Variants in NRP2 observed in about 807,000 individuals in gnomAD.
NRP2 encodes the protein neuropilin 2, also known as neuropilin-2.
Under a neutral mutation model 110.4 loss-of-function variants are expected in NRP2, and 52 were observed. The ratio of observed to expected loss-of-function variants is 0.47; its 90% CI spans 0.38 to 0.59. The LOEUF (loss-of-function observed/expected upper bound fraction) is 0.59, where lower values mean the gene tolerates loss of function less well. NRP2 is among the 20% of genes least tolerant of loss of function. The pLI is 0.00. For synonymous variants in NRP2, 508 were observed against 468.9 expected, an observed-to-expected ratio of 1.08 and a Z score of -1.08; for missense variants, 1,049 against 1,203.0, an observed-to-expected ratio of 0.87 and a Z score of 1.89.
Position 205,683,311 on chromosome 2 carries a change from C to T in NRP2, c.21C>T (p.Thr7=), listed in dbSNP as rs201286273. MDMFPL[T]WVFLALYFSR... is the part of the protein sequence containing the mutation. Reference sequence around the variant, plus strand: ...CCAAAATGGATATGTTTCCTCTCACCTGGGTTTTCTTAGCCCTCTACTTTT... The same window carrying T: ...CCAAAATGGATATGTTTCCTCTCACTTGGGTTTTCTTAGCCCTCTACTTTT... Residue 7 remains threonine (T), a synonymous_variant, in exon 1 of 17, where the codon ACC becomes ACT. Transcript: ENST00000357785. 2 of 1,613,750 alleles carry T rather than the reference C, an allele frequency of 1.2e-6. No individual in the cohort carries two copies. Among genetic ancestry groups the T allele is most frequent in the African/African-American group, 1.3e-5 (1 of 74,908 alleles).
chr2:205,760,146 C>T (rs2057797661), intron 12 of NRP2, among the ~76,000 whole-genome samples: 1 of 152,196 alleles, frequency 6.6e-6, no homozygotes, highest in South Asian at 2.1e-4. Flanking sequence ...TCAGGGGAGG[C>T]AGGTAAAGCC....
rs1288599516 is a variant in NRP2, at chr2:205,697,561, C to G, written c.91C>G (p.Arg31Gly). 1.2e-6 allele frequency: 2 copies of G among 1,613,798 alleles called. No individual in the cohort carries two copies. Among genetic ancestry groups the G allele is most frequent in the African/African-American group, 2.7e-5 (2 of 74,834 alleles). Residue 31 changes from arginine to glycine, a missense_variant, in exon 2 of 17, where the codon CGT (arginine) becomes GGT (glycine). Arg to Gly is a moderately radical substitution (Grantham distance 125, BLOSUM62 -2). Coordinates refer to ENST00000357785, the MANE Select transcript of NRP2 (RefSeq NM_003872.3). ...RGQPDPPCGG[R>G]LNSKDAGYIT... ...TCTTTCAGACCCACCGTGCGGAGGT[C>G]GTTTGAATTCCAAAGATGCTGGCTA...
chr2:205,732,179 C>A (rs2057252923), intron 7 of NRP2, among the ~76,000 whole-genome samples: 1 of 152,220 alleles, frequency 6.6e-6, no homozygotes. Flanking sequence ...TGAGCCTGTA[C>A]ATGGCTTAAC....
In NRP2 at chr2:205,752,905, G is replaced by T. The variant is rs943409565; in HGVS notation, c.1974G>T (p.Met658Ile). 3.1e-6 allele frequency: 5 copies of T among 1,614,194 alleles called. No individual in the cohort carries two copies. The highest frequency in any genetic ancestry group is 3.3e-5 in the Admixed American group (2 of 60,034). Residue 658 changes from methionine (M) to isoleucine (I), a missense_variant, in exon 12 of 17, where the codon ATG becomes ATT. Coordinates refer to ENST00000357785, the MANE Select transcript of NRP2 (RefSeq NM_003872.3). ...FDFLEEPCGW[M>I]YDHAKWLRTT... ...TCCTCGAGGAGCCCTGTGGTTGGAT[G>T]TATGACCATGCCAAGTGGCTCCGGA... is the stretch of plus-strand genomic sequence containing the variant.
chr2:205,698,435 C>T (rs1295052214), intron 2 of NRP2, among the ~76,000 whole-genome samples: 1 of 152,134 alleles, frequency 6.6e-6, no homozygotes, highest in African/African-American at 2.4e-5. Context: ...AACCGAAGCA[C>T]AGAGAGGTTA....
intron 10 of NRP2, among the ~76,000 whole-genome samples, chr2:205,747,030 G>A (rs75475071): frequency 0.024 from 3,591 of 152,154 alleles, 110 homozygotes; most frequent in African/African-American, 0.073. Context: ...TGTGTCACCC[G>A]TCCTCTCACA....
chr2:205,687,945 G>GT (rs2105863334), intron 1 of NRP2, among the ~76,000 whole-genome samples: 1 of 152,294 alleles, frequency 6.6e-6, no homozygotes, highest in East Asian at 1.9e-4. Flanking sequence ...GGACCCTGGT[G>GT]TTTTTCATTT....
intron 2 of NRP2, among the ~76,000 whole-genome samples, chr2:205,699,033 T>A (rs2056497774): frequency 6.6e-6 from 1 of 152,202 alleles, no homozygotes; most frequent in African/African-American, 2.4e-5. Flanking sequence ...TACATAATGG[T>A]TTTCTCCTAA....
At chr2:205,731,237 C>T (rs1322177781) in intron 7 of NRP2, among the ~76,000 whole-genome samples, 1 of 152,206 alleles carries the variant, frequency 6.6e-6, no homozygotes, top group Non-Finnish European at 1.5e-5. Context: ...ATACAAATTG[C>T]TTTGCATACA....
chr2:205,699,803 A>G (rs778877557), intron 2 of NRP2, among the ~76,000 whole-genome samples: 4 of 152,088 alleles, frequency 2.6e-5, no homozygotes, highest in Non-Finnish European at 5.9e-5. Flanking sequence ...CCATGACCTC[A>G]TGTGTCTGGT....
At chr2:205,710,717 G>A (rs2056779329) in intron 2 of NRP2, among the ~76,000 whole-genome samples, 1 of 152,162 alleles carries the variant, frequency 6.6e-6, no homozygotes, top group South Asian at 2.1e-4. Context: ...TTGTTGGGAA[G>A]TTGTATGTGA....
intron 15 of NRP2, among the ~76,000 whole-genome samples, chr2:205,771,542 T>C (rs898655262): frequency 2.6e-5 from 4 of 152,220 alleles, no homozygotes; most frequent in African/African-American, 9.6e-5. Flanking sequence ...CCTTGGTGTC[T>C]TTCAAAACAC....
At position 205,726,061 on chromosome 2, in the gene NRP2, T is replaced by C; in HGVS notation, c.969T>C (p.Asp323=). ...ACAATGGCTGGACCCCCAACTTGGA[T>C]TCCAACAAGGAGTATCTCCAGGTAC... The part of the protein sequence containing the change: ...GDDNGWTPNL[D]SNKEYLQVDL... The change falls in exon 6 of 17, where the codon GAT becomes GAC. Residue 323 remains aspartate (D), a synonymous_variant. Coordinates refer to ENST00000357785, the MANE Select transcript of NRP2 (RefSeq NM_003872.3). 1 of 1,614,172 alleles carries C rather than the reference T, an allele frequency of 6.2e-7. No individual in the cohort carries two copies.
chr2:205,757,937 C>T (rs1275007333), intron 12 of NRP2, among the ~76,000 whole-genome samples: 1 of 151,768 alleles, frequency 6.6e-6, no homozygotes, highest in Non-Finnish European at 1.5e-5. Context: ...GGTTGAGTCC[C>T]CCAGCAGTGT....
chr2:205,714,048 C>G lies in NRP2; in HGVS notation c.252-2145C>G, dbSNP rs76058005. 3.3e-3 allele frequency among the ~76,000 whole-genome samples: 502 copies of G among 152,300 alleles called. 1 individual carries two copies. The highest frequency in any genetic ancestry group is 0.012 in the African/African-American group (486 of 41,572). ...GGGTCGCTTCTGCTCTGTGGCTCAGCCTCCTTGCCTGTGAAATGGGTGTGA... is the reference window on the plus strand; with the variant it reads ...GGGTCGCTTCTGCTCTGTGGCTCAGGCTCCTTGCCTGTGAAATGGGTGTGA... On this transcript the variant is annotated intron_variant, in intron 2 of 16. Coordinates refer to ENST00000357785, the MANE Select transcript of NRP2 (RefSeq NM_003872.3).
At chr2:205,744,260 T>C (rs1481336149) in intron 9 of NRP2, among the ~76,000 whole-genome samples, 1 of 152,196 alleles carries the variant, frequency 6.6e-6, no homozygotes, top group African/African-American at 2.4e-5. Flanking sequence ...CTTTATACAC[T>C]CTTTCAGATA....
chr2:205,723,979 G>A (rs375530813), intron 5 of NRP2, 39 bp downstream of exon 5: 66 of 1,612,130 alleles, frequency 4.1e-5, no homozygotes, highest in Non-Finnish European at 4.5e-5. Flanking sequence ...CTGTCCTTCC[G>A]TCAGGGCTGT....
intron 15 of NRP2, among the ~76,000 whole-genome samples, chr2:205,784,509 T>C (rs10176579): frequency 5.3e-5 from 8 of 152,220 alleles, no homozygotes; most frequent in African/African-American, 1.9e-4. Context: ...CCAACATGGG[T>C]GTGTGAAAGG....
At chr2:205,769,687 TA>T (rs1388235137) in intron 15 of NRP2, among the ~76,000 whole-genome samples, 1 of 152,186 alleles carries the variant, frequency 6.6e-6, no homozygotes, top group Non-Finnish European at 1.5e-5. Flanking sequence ...TTGTGGTTGT[TA>T]TGAGTCACAT....
Sources: allele counts gnomAD v4.1 joint callset (sites outside exome capture counted in the v4.1 genomes callset), GRCh38; gene constraint gnomAD v4.1.1; transcripts MANE v1.5; gene names NCBI Gene and HGNC (gene_info 2026-07-23, HGNC 2026-07-21).